Variants in CAPN2 observed in about 807,000 individuals in gnomAD.
CAPN2 encodes the protein calpain-2 catalytic subunit.
CAPN2 carries 92 observed loss-of-function variants against 102.3 expected under a neutral mutation model. The observed-to-expected ratio is 0.90, with a 90% CI of 0.76 to 1.07. The LOEUF (loss-of-function observed/expected upper bound fraction) is 1.07, where lower values mean the gene tolerates loss of function less well. CAPN2 is among the 50% of genes least tolerant of loss of function. The pLI, the probability that CAPN2 is intolerant of heterozygous loss-of-function variation, is 0.00. For missense variants in CAPN2, 800 were observed against 909.4 expected, an observed-to-expected ratio of 0.88 and a Z score of 1.55; for synonymous variants, 340 against 355.4, an observed-to-expected ratio of 0.96 and a Z score of 0.49.
At chr1:223,766,967 AAAAAAG>A (rs1471064596) in intron 16 of CAPN2, among the ~76,000 whole-genome samples, 1 of 151,888 alleles carries the variant, frequency 6.6e-6, no homozygotes, top group Non-Finnish European at 1.5e-5. Flanking sequence ...GCCAAAAAAA[AAAAAAG>A]AAAAAGAATG....
Position 223,771,886 on chromosome 1 carries a change from A to G in CAPN2, c.1981A>G (p.Asn661Asp). The stretch of plus-strand genomic sequence containing the variant: ...TGACCAGCTCATCATCGATTTTGAT[A>G]ATTTTGTTCGGTGTTTGGTTCGGCT... ...ADDQLIIDFD[N>D]FVRCLVRLET... The change falls in exon 19 of 21, where the codon AAT becomes GAT. Residue 661 changes from asparagine (N) to aspartate (D), a missense_variant. Transcript: ENST00000295006. 6.2e-7 allele frequency: 1 copy of G among 1,614,064 alleles called. No homozygotes were observed. The highest frequency in any genetic ancestry group is 8.5e-7 in the Non-Finnish European group (1 of 1,179,922).
chr1:223,704,030 C>T (rs1011739755), intron 1 of CAPN2, among the ~76,000 whole-genome samples: 1 of 151,926 alleles, frequency 6.6e-6, no homozygotes, highest in Admixed American at 6.5e-5. Context: ...GTGGCTCACA[C>T]CTGTAATCCG....
intron 16 of CAPN2, among the ~76,000 whole-genome samples, 166 bp downstream of exon 16, chr1:223,766,597 T>C (rs1258240670): frequency 1.3e-5 from 2 of 152,178 alleles, no homozygotes; most frequent in African/African-American, 4.8e-5. Context: ...ACTAGGGAAA[T>C]GCGAGAACCC....
At position 223,756,115 on chromosome 1, in the gene CAPN2, C is replaced by A. The variant is rs1153958; in HGVS notation, c.1305+466C>A. Among the ~76,000 whole-genome samples the A allele has an allele frequency of 1.3e-5, 2 of 152,124 alleles. No homozygotes were observed. The highest frequency in any genetic ancestry group is 4.8e-5 in the African/African-American group (2 of 41,392). On this transcript the variant is annotated intron_variant, in intron 10 of 20. Coordinates refer to ENST00000295006, the MANE Select transcript of CAPN2 (RefSeq NM_001748.5). The surrounding 1 kb of genome is among the most constrained non-coding windows in gnomAD (Gnocchi z 4.1). The stretch of plus-strand genomic sequence containing the variant: ...GGGAACATTGGTCATGATGCTCCCC[C>A]CAGGGCTCTGATGGCTGGAGCCCAG...
intron 2 of CAPN2, among the ~76,000 whole-genome samples, chr1:223,741,054 G>A (rs915226956): frequency 1.3e-5 from 2 of 152,172 alleles, no homozygotes; most frequent in African/African-American, 4.8e-5. Flanking sequence ...TACCTACCTT[G>A]GAACTGTTCT....
chr1:223,755,487 C>A lies in CAPN2; in HGVS notation c.1143C>A (p.Phe381Leu). The A allele has an allele frequency of 6.2e-7, 1 of 1,614,000 alleles. No individual in the cohort carries two copies. Among genetic ancestry groups the A allele is most frequent in the Non-Finnish European group, 8.5e-7 (1 of 1,179,996 alleles). Residue 381 changes from phenylalanine to leucine, a missense_variant, in exon 10 of 21, where the codon TTC becomes TTA. Physicochemically the swap from Phe to Leu is conservative, Grantham distance 22. Transcript: ENST00000295006. This position sits in a 1 kb window ranked among gnomAD's most constrained non-coding sequence, Gnocchi z 4.1. ...GCCCCTTTCTGGCTGCAGACACATT[C>A]TGGATGAACCCTCAGTACCTGATCA... ...AGGCRNYPNT[F>L]WMNPQYLIKL...
At chr1:223,752,983 T>A (rs1219903004) in intron 9 of CAPN2, 27 bp downstream of exon 9, 2 of 1,610,612 alleles carry the variant, frequency 1.2e-6, no homozygotes, top group Non-Finnish European at 1.7e-6. Flanking sequence ...ATAAGGGCTG[T>A]TGCAATGCGG....
intron 2 of CAPN2, among the ~76,000 whole-genome samples, 191 bp downstream of exon 2, chr1:223,718,022 A>G (rs1659927081): frequency 2.0e-5 from 3 of 152,176 alleles, no homozygotes; most frequent in Non-Finnish European, 2.9e-5. Context: ...GGGGCACACA[A>G]ATGAGGCCTC....
chr1:223,709,661 C>CAAAAAAAAA (rs779362608), upstream of CAPN2, among the ~76,000 whole-genome samples: 66 of 137,838 alleles, frequency 4.8e-4, no homozygotes, highest in African/African-American at 1.7e-3. Context: ...AACTCCATCT[C>CAAAAAAAAA]AAAAAAAAAA....
chr1:223,742,513 T>C (rs1012172320), intron 2 of CAPN2, among the ~76,000 whole-genome samples: 1 of 111,454 alleles, frequency 9.0e-6, no homozygotes, highest in Non-Finnish European at 1.7e-5. Flanking sequence ...TATATATATA[T>C]ATATATTTTT....
At chr1:223,770,095 C>T (rs1021775965) in intron 17 of CAPN2, 186 bp downstream of exon 17, 39 of 617,964 alleles carry the variant, frequency 6.3e-5, no homozygotes, top group Middle Eastern at 4.4e-4. Context: ...ACCAGGACTT[C>T]GCAGGTGAAA....
chr1:223,770,126 G>T (rs1250286860), intron 17 of CAPN2: 2 of 591,766 alleles, frequency 3.4e-6, no homozygotes, highest in Non-Finnish European at 6.0e-6. Flanking sequence ...CCTTCCTCCT[G>T]ATTATTGGGA....
intron 2 of CAPN2, among the ~76,000 whole-genome samples, chr1:223,732,831 TAAC>T (rs1174779613): frequency 6.6e-6 from 1 of 152,168 alleles, no homozygotes; most frequent in Non-Finnish European, 1.5e-5. Context: ...GTTCTGAAGG[TAAC>T]AAGGGGTTGC....
At chr1:223,719,337 G>C (rs1285812801) in intron 2 of CAPN2, among the ~76,000 whole-genome samples, 2 of 152,118 alleles carry the variant, frequency 1.3e-5, no homozygotes, top group African/African-American at 2.4e-5. Flanking sequence ...AGGAGTTAGA[G>C]ACCAGCCTGG....
At chr1:223,710,398 G>A (rs61823967), upstream of CAPN2, among the ~76,000 whole-genome samples, 16,116 of 152,138 alleles carry the variant, frequency 0.11, 1,031 homozygotes, top group South Asian at 0.15. Context: ...TGATGTCTTG[G>A]ACTAGATCAT....
At position 223,757,391 on chromosome 1, in the gene CAPN2, C is replaced by T. The variant is rs1316473290; in HGVS notation, c.1317+11C>T. 1 of 1,614,068 alleles carries T rather than the reference C, an allele frequency of 6.2e-7. No homozygotes were observed. Among genetic ancestry groups the T allele is most frequent in the Non-Finnish European group, 8.5e-7 (1 of 1,179,972 alleles). On this transcript the variant is annotated intron_variant, in intron 11 of 20. Coordinates refer to ENST00000295006, the MANE Select transcript of CAPN2 (RefSeq NM_001748.5). Reference sequence around the variant, plus strand: ...CAGGTTCCAGAGGAGGTACGTCTGGCCCATGTCCCGGGGTGCTCAGGTCAC... The same window carrying T: ...CAGGTTCCAGAGGAGGTACGTCTGGTCCATGTCCCGGGGTGCTCAGGTCAC...
Position 223,731,937 on chromosome 1 carries a change from G to C in CAPN2, c.308-12163G>C, listed in dbSNP as rs976562173. 1.3e-5 allele frequency among the ~76,000 whole-genome samples: 2 copies of C among 152,196 alleles called. No individual in the cohort carries two copies. The highest frequency in any genetic ancestry group is 2.9e-5 in the Non-Finnish European group (2 of 68,030). ...TGAGTTCTTTCCCTACTTGGTATCA[G>C]TTGCAAAGAAAGAACACTCAGTTGG... is the stretch of plus-strand genomic sequence containing the variant. On this transcript the variant is annotated intron_variant, in intron 2 of 20. Coordinates refer to ENST00000295006, the MANE Select transcript of CAPN2 (RefSeq NM_001748.5). The surrounding 1 kb of genome is among the most constrained non-coding windows in gnomAD (Gnocchi z 4.2).
chr1:223,702,884 G>A (rs776459163), intron 1 of CAPN2, among the ~76,000 whole-genome samples: 13 of 152,180 alleles, frequency 8.5e-5, no homozygotes, highest in Admixed American at 2.0e-4. Flanking sequence ...GAAGGTGGAA[G>A]AAAAACCAGG....
rs965809239 is a variant in CAPN2, at chr1:223,754,629, A to G, written c.1136-851A>G. 6.6e-6 allele frequency among the ~76,000 whole-genome samples: 1 copy of G among 152,242 alleles called. No individual in the cohort carries two copies. The highest frequency in any genetic ancestry group is 6.5e-5 in the Admixed American group (1 of 15,288). On this transcript the variant is annotated intron_variant, in intron 9 of 20. Transcript: ENST00000295006. The surrounding 1 kb of genome is among the most constrained non-coding windows in gnomAD (Gnocchi z 4.7). Reference sequence around the variant, plus strand: ...TTATCCCATTAGGTATGGAAAGGCAATTAGCATAATTCCCCTTAAACATGA... The same window carrying G: ...TTATCCCATTAGGTATGGAAAGGCAGTTAGCATAATTCCCCTTAAACATGA...
Sources: gnomAD v4.1 joint callset for allele counts (sites outside exome capture counted in the v4.1 genomes callset) on GRCh38, gnomAD v4.1.1 for gene constraint, Gnocchi (gnomAD v3.1) non-coding constraint, MANE v1.5 for transcripts, NCBI Gene and HGNC (gene_info 2026-07-23, HGNC 2026-07-21) for gene names.